DNAH14: variants seen among roughly 807,000 people sequenced by gnomAD.
The protein encoded by DNAH14 is axonemal beta dynein heavy chain 14.
Under a neutral mutation model 520.9 loss-of-function variants are expected in DNAH14, and 478 were observed. The observed-to-expected ratio is 0.92, with a 90% CI of 0.85 to 0.99. The LOEUF is 0.99. Among genes scored for constraint, DNAH14 ranks in the 50% least tolerant of loss-of-function variants. The pLI is 0.00. For missense variants in DNAH14, 4,831 were observed against 5,234.5 expected, an observed-to-expected ratio of 0.92 and a Z score of 2.38; for synonymous variants, 1,581 against 1,757.2, an observed-to-expected ratio of 0.90 and a Z score of 2.51.
At chr1:225,201,531 T>A (rs956782007) in intron 38 of DNAH14, among the ~76,000 whole-genome samples, 4 of 152,204 alleles carry the variant, frequency 2.6e-5, no homozygotes, top group Admixed American at 6.5e-5. Flanking sequence ...AGACTGTTGT[T>A]CACATTCTTT....
chr1:225,172,726 C>G (rs1266266111), intron 36 of DNAH14, among the ~76,000 whole-genome samples: 1 of 152,174 alleles, frequency 6.6e-6, no homozygotes, highest in Admixed American at 6.5e-5. Flanking sequence ...CCTCTTCAAG[C>G]TACCAGTGAC....
At chr1:225,125,930 G>A (rs1410014245) in intron 27 of DNAH14, among the ~76,000 whole-genome samples, 2 of 152,110 alleles carry the variant, frequency 1.3e-5, no homozygotes, top group Non-Finnish European at 2.9e-5. Flanking sequence ...AAGGTTATTG[G>A]TTGGCCTAAA....
At chr1:225,099,417 G>A (rs1292616530) in intron 22 of DNAH14, among the ~76,000 whole-genome samples, 1 of 152,078 alleles carries the variant, frequency 6.6e-6, no homozygotes, top group Non-Finnish European at 1.5e-5. Flanking sequence ...TTTTACCTCT[G>A]GGAGTCATTT....
intron 5 of DNAH14, 29 bp downstream of exon 5, chr1:224,964,638 C>G (rs2061046472): frequency 6.9e-7 from 1 of 1,450,182 alleles, no homozygotes; most frequent in South Asian, 1.6e-5. Flanking sequence ...TAATTTTGAT[C>G]TTTAAAAATC....
Position 225,059,488 on chromosome 1 carries a change from A to G in DNAH14, c.2424+7693A>G, listed in dbSNP as rs984427061. On this transcript the variant is annotated intron_variant, in intron 17 of 85. Coordinates refer to ENST00000682510, the MANE Select transcript of DNAH14 (RefSeq NM_001367479.1). Reference sequence around the variant, plus strand: ...GTCTTGACTCTTTATCCATTTTGCCAGTGTGTGTCTTTTAATTGGAGCATT... The same window carrying G: ...GTCTTGACTCTTTATCCATTTTGCCGGTGTGTGTCTTTTAATTGGAGCATT... Among the ~76,000 whole-genome samples the G allele has an allele frequency of 2.2e-4, 33 of 152,256 alleles. 1 individual carries two copies. The highest frequency in any genetic ancestry group is 6.2e-4 in the South Asian group (3 of 4,816).
Position 225,377,268 on chromosome 1 carries a change from T to A in DNAH14, c.12548T>A (p.Ile4183Lys). The A allele has an allele frequency of 6.9e-7, 1 of 1,450,904 alleles. No homozygotes were observed. The highest frequency in any genetic ancestry group is 9.1e-7 in the Non-Finnish European group (1 of 1,095,682). 89.9% of individuals were successfully genotyped at this position (1,450,904 alleles called of 1,614,324 possible). A position where few individuals can be genotyped will look rare whatever the true frequency, so the allele number is the denominator to read the frequency against. The change falls in exon 79 of 86, where the codon ATA (isoleucine) becomes AAA (lysine). Residue 4183 changes from isoleucine (I) to lysine (K), a missense_variant. Physicochemically the swap from Ile to Lys is moderately radical, Grantham distance 102. Transcript: ENST00000682510. ...ICLPVPGSAS[I>K]KDYIHIIQSL... ...CTGCCAGTTCCAGGATCTGCAAGCA[T>A]AAAGGACTACATACACATTATCCAG...
At position 225,023,714 on chromosome 1, in the gene DNAH14, A is replaced by G. The variant is rs1341355428; in HGVS notation, c.1207A>G (p.Thr403Ala). The change falls in exon 11 of 86, where the codon ACA (threonine) becomes GCA (alanine). Residue 403 changes from threonine (T) to alanine (A), a missense_variant. By Grantham distance (58) the Thr-to-Ala change is moderately conservative. Coordinates refer to ENST00000682510, the MANE Select transcript of DNAH14 (RefSeq NM_001367479.1). ...GCCTAAATATAGACGTTTATTAGAA[A>G]CATTTTTCAAGTTTGTAATGCTGGT... is the stretch of plus-strand genomic sequence containing the variant. ...KLPKYRRLLE[T>A]FFKFVMLVDY... 1.3e-6 allele frequency: 2 copies of G among 1,550,912 alleles called. No individual in the cohort carries two copies. The highest frequency in any genetic ancestry group is 8.7e-7 in the Non-Finnish European group (1 of 1,146,542).
chr1:224,995,805 A>G (rs1428597470), intron 8 of DNAH14, among the ~76,000 whole-genome samples: 2 of 151,760 alleles, frequency 1.3e-5, no homozygotes, highest in Non-Finnish European at 2.9e-5. Context: ...TTCTTTCTTC[A>G]GTTTGACTGA....
intron 2 of DNAH14, 21 bp from the exon 3 acceptor site, chr1:224,954,938 A>G (rs2060417525): frequency 1.3e-6 from 2 of 1,548,468 alleles, no homozygotes; most frequent in African/African-American, 1.4e-5. Flanking sequence ...TTTTCTTAGA[A>G]TTGTTTTCTT....
intron 10 of DNAH14, among the ~76,000 whole-genome samples, chr1:225,009,903 T>C (rs2064557962): frequency 6.6e-6 from 1 of 152,334 alleles, no homozygotes; most frequent in East Asian, 1.9e-4. Context: ...GTTTGTCTAT[T>C]ATAGGTGTAT....
chr1:225,183,351 A>T (rs1317229022), intron 36 of DNAH14, among the ~76,000 whole-genome samples: 1 of 152,250 alleles, frequency 6.6e-6, no homozygotes, highest in African/African-American at 2.4e-5. Flanking sequence ...GGCAAGCCCC[A>T]GTGCTGCAAA....
At position 225,335,872 on chromosome 1, in the gene DNAH14, CATATACATAT is replaced by C. The variant is rs777558433; in HGVS notation, c.10081-1391_10081-1382del. 6.5e-3 allele frequency among the ~76,000 whole-genome samples: 469 copies of C among 72,152 alleles called. 16 individuals are homozygous for C. Among genetic ancestry groups the C allele is most frequent in the African/African-American group, 0.026 (417 of 16,288 alleles). 47.3% of individuals were successfully genotyped at this position (72,152 alleles called of 152,430 possible). A position where few individuals can be genotyped will look rare whatever the true frequency, so the allele number is the denominator to read the frequency against. On this transcript the variant is annotated intron_variant, in intron 66 of 85. Coordinates refer to ENST00000682510, the MANE Select transcript of DNAH14 (RefSeq NM_001367479.1). ...ACATATGTACATATATGTACATACA[CATATACATAT>C]ATGTACATATACATACATATATGCA...
intron 2 of DNAH14, among the ~76,000 whole-genome samples, chr1:224,953,370 C>T (rs1031505660): frequency 2.0e-5 from 3 of 151,914 alleles, no homozygotes; most frequent in Non-Finnish European, 4.4e-5. Context: ...GTGATCCACC[C>T]GCCTCGGCCT....
At chr1:225,145,243 G>T in intron 29 of DNAH14, 83 bp from the exon 30 acceptor site, 1 of 1,115,392 alleles carries the variant, frequency 9.0e-7, no homozygotes, top group Non-Finnish European at 1.3e-6. Context: ...AAAGCATAAA[G>T]ACATTTTATT....
intron 15 of DNAH14, among the ~76,000 whole-genome samples, chr1:225,045,858 G>C (rs758714446): frequency 2.0e-5 from 3 of 152,024 alleles, no homozygotes; most frequent in South Asian, 4.1e-4. Flanking sequence ...GAGATTTTGA[G>C]ATTATACAGA....
intron 1 of DNAH14, among the ~76,000 whole-genome samples, chr1:224,941,470 G>A (rs1288004399): frequency 1.3e-5 from 2 of 152,100 alleles, no homozygotes; most frequent in African/African-American, 2.4e-5. Context: ...TCTGTAGGTT[G>A]CCTGTTGACT....
At chr1:225,137,429 C>T (rs2079043200) in intron 27 of DNAH14, among the ~76,000 whole-genome samples, 3 of 152,112 alleles carry the variant, frequency 2.0e-5, no homozygotes, top group South Asian at 4.1e-4. Context: ...AATCTCAGCT[C>T]ACTGCAAACT....
chr1:225,148,621 C>T (rs1411972120), intron 31 of DNAH14, among the ~76,000 whole-genome samples: 1 of 152,006 alleles, frequency 6.6e-6, no homozygotes, highest in Non-Finnish European at 1.5e-5. Context: ...AGGCTGGTCT[C>T]AAACTCCTGA....
chr1:225,191,489 G>A (rs1429901265), intron 37 of DNAH14, among the ~76,000 whole-genome samples: 3 of 151,894 alleles, frequency 2.0e-5, no homozygotes, highest in African/African-American at 7.3e-5. Flanking sequence ...CTACTTTCAA[G>A]ATTTTGCCTT....
Sources: allele counts gnomAD v4.1 joint callset (sites outside exome capture counted in the v4.1 genomes callset), GRCh38; gene constraint gnomAD v4.1.1; transcripts MANE v1.5; gene names NCBI Gene and HGNC (gene_info 2026-07-23, HGNC 2026-07-21).